Variants in RASAL2 observed in about 807,000 individuals in gnomAD.
RASAL2 encodes the protein ras GTPase-activating protein nGAP.
RASAL2 carries 58 observed loss-of-function variants against 128.9 expected under a neutral mutation model. The observed-to-expected ratio is 0.45, with a 90% CI of 0.36 to 0.56. RASAL2 has a LOEUF of 0.56. Ranked by LOEUF, RASAL2 falls within the 20% of genes least tolerant of loss-of-function variation. The pLI, the probability that RASAL2 is intolerant of heterozygous loss-of-function variation, is 0.00. For missense variants in RASAL2, 1,360 were observed against 1,601.6 expected (o/e 0.85, Z 2.57); for synonymous variants, 561 against 580.8 (o/e 0.97, Z 0.49).
At chr1:178,266,626 A>C (rs1665964409) in intron 1 of RASAL2, among the ~76,000 whole-genome samples, 1 of 152,220 alleles carries the variant, frequency 6.6e-6, no homozygotes, top group Non-Finnish European at 1.5e-5. Flanking sequence ...GAAAGAAGGA[A>C]GAAGCTACCC....
intron 4 of RASAL2, among the ~76,000 whole-genome samples, chr1:178,393,893 T>C (rs1386125093): frequency 6.6e-6 from 1 of 152,184 alleles, no homozygotes; most frequent in Non-Finnish European, 1.5e-5. Context: ...CTCACACATA[T>C]TCTCTTGGTA....
intron 3 of RASAL2, among the ~76,000 whole-genome samples, chr1:178,342,447 C>T (rs1413903079): frequency 1.3e-5 from 2 of 152,114 alleles, no homozygotes; most frequent in Admixed American, 1.3e-4. Flanking sequence ...CCTAAATAGA[C>T]CAAGTACATC....
intron 1 of RASAL2, among the ~76,000 whole-genome samples, chr1:178,249,088 C>T (rs1664921335): frequency 6.6e-6 from 1 of 152,090 alleles, no homozygotes; most frequent in Non-Finnish European, 1.5e-5. Flanking sequence ...GTTAGCCTGT[C>T]TTCCTAGGTT....
intron 16 of RASAL2, 121 bp from the exon 17 acceptor site, chr1:178,467,213 A>C: frequency 1.4e-6 from 1 of 739,660 alleles, no homozygotes. Context: ...AGTAGAGAAG[A>C]AAGAAAAGAT....
chr1:178,253,091 G>A (rs1665130341), intron 1 of RASAL2, among the ~76,000 whole-genome samples: 1 of 152,114 alleles, frequency 6.6e-6, no homozygotes, highest in African/African-American at 2.4e-5. Context: ...TCTTTCTCAA[G>A]ACTCTGAGGG....
intron 4 of RASAL2, chr1:178,411,475 CA>C: frequency 2.0e-6 from 1 of 498,032 alleles, no homozygotes; most frequent in Middle Eastern, 5.9e-4. Context: ...ATGGGTGCCC[CA>C]AAATCTCACA....
At chr1:178,290,745 G>T (rs61813814) in intron 2 of RASAL2, among the ~76,000 whole-genome samples, 1 of 151,744 alleles carries the variant, frequency 6.6e-6, no homozygotes, top group East Asian at 1.9e-4. Context: ...GTGCGATCTC[G>T]GCTCGCTGCA....
chr1:178,455,482 A>G (rs1677706203), intron 12 of RASAL2, among the ~76,000 whole-genome samples: 1 of 152,214 alleles, frequency 6.6e-6, no homozygotes, highest in South Asian at 2.1e-4. Context: ...TATCAGTAAA[A>G]TTTGAAGGGG....
At chr1:178,464,567 GGTGTGTGTGT>G (rs58822651) in intron 15 of RASAL2, among the ~76,000 whole-genome samples, 155 bp downstream of exon 15, 9,805 of 145,086 alleles carry the variant, frequency 0.068, 1,036 homozygotes, top group African/African-American at 0.23. Context: ...ATAGGTCAGT[GGTGTGTGTGT>G]GTGTGTGTGT....
intron 4 of RASAL2, among the ~76,000 whole-genome samples, chr1:178,396,133 A>G (rs540340080): frequency 1.8e-4 from 27 of 152,224 alleles, no homozygotes; most frequent in African/African-American, 6.3e-4. Context: ...AAATACTACC[A>G]AGACTCTAAA....
chr1:178,458,463 C>G lies in RASAL2; in HGVS notation c.3171C>G (p.Ser1057Arg). 6.2e-7 allele frequency: 1 copy of G among 1,614,142 alleles called. No homozygotes were observed. The highest frequency in any genetic ancestry group is 8.5e-7 in the Non-Finnish European group (1 of 1,180,026). Residue 1057 changes from serine to arginine, a missense_variant, in exon 14 of 18, where the codon AGC becomes AGG. By Grantham distance (110) the Ser-to-Arg change is moderately radical. Transcript: ENST00000367649. ...TGGCCGAACCTGTGCAGAATGGGAG[C>G]CGGTCCCGGCAGCAGTCCTCTTCCT... ...ALVAEPVQNG[S>R]RSRQQSSSSR...
At chr1:178,392,918 T>C (rs1557952855) in intron 4 of RASAL2, among the ~76,000 whole-genome samples, 1 of 152,238 alleles carries the variant, frequency 6.6e-6, no homozygotes, top group East Asian at 1.9e-4. Context: ...TTCACAAAAA[T>C]TTATACTTTT....
chr1:178,141,193 CTTT>C (rs71297900), intron 1 of RASAL2, among the ~76,000 whole-genome samples: 4 of 73,936 alleles, frequency 5.4e-5, no homozygotes, highest in Non-Finnish European at 7.1e-5. Context: ...CTTTTCTTTT[CTTT>C]TTTTTTTTTT....
chr1:178,180,010 C>T lies in RASAL2; in HGVS notation c.202+85316C>T, dbSNP rs183460471. On this transcript the variant is annotated intron_variant, in intron 1 of 17. Transcript: ENST00000367649. ...AGAGGAAGCTAGTTCCAGAGGACATCTGGAATGAAAGATCGTTCACTGGAA... is the reference window on the plus strand; with the variant it reads ...AGAGGAAGCTAGTTCCAGAGGACATTTGGAATGAAAGATCGTTCACTGGAA... Among the ~76,000 whole-genome samples, 4 of 152,238 alleles carry T rather than the reference C, an allele frequency of 2.6e-5. No homozygotes were observed. The East Asian group carries it at 7.7e-4, about 29-fold the overall frequency.
chr1:178,122,291 A>G (rs1158764267), intron 1 of RASAL2, among the ~76,000 whole-genome samples: 1 of 152,208 alleles, frequency 6.6e-6, no homozygotes, highest in East Asian at 1.9e-4. Context: ...AAAAAATACG[A>G]CAAGTATGGG....
At chr1:178,236,068 C>T (rs1664221220) in intron 1 of RASAL2, among the ~76,000 whole-genome samples, 1 of 151,808 alleles carries the variant, frequency 6.6e-6, no homozygotes, top group African/African-American at 2.4e-5. Context: ...TTTTTTAATG[C>T]TCATTTTCCA....
At chr1:178,379,318 C>T (rs1375431863) in intron 3 of RASAL2, among the ~76,000 whole-genome samples, 1 of 149,772 alleles carries the variant, frequency 6.7e-6, no homozygotes, top group Non-Finnish European at 1.5e-5. Flanking sequence ...AAGTTTGAGG[C>T]AGTGAGCTGT....
At chr1:178,395,048 A>G (rs1198998198) in intron 4 of RASAL2, among the ~76,000 whole-genome samples, 3 of 151,970 alleles carry the variant, frequency 2.0e-5, no homozygotes, top group Non-Finnish European at 4.4e-5. Context: ...CAAGTTAAAC[A>G]AAGAGATAGA....
chr1:178,338,166 G>A (rs1334347540), intron 3 of RASAL2, among the ~76,000 whole-genome samples: 1 of 149,182 alleles, frequency 6.7e-6, no homozygotes, highest in Non-Finnish European at 1.5e-5. Context: ...GTCTTGCTGT[G>A]TTACCCAGGC....
Sources: allele counts gnomAD v4.1 joint callset (sites outside exome capture counted in the v4.1 genomes callset), GRCh38; gene constraint gnomAD v4.1.1; transcripts MANE v1.5; gene names NCBI Gene and HGNC (gene_info 2026-07-23, HGNC 2026-07-21).